Variants in MYRIP observed in about 807,000 individuals in gnomAD.
The protein encoded by MYRIP is rab effector MyRIP.
A neutral mutation model predicts 98.0 loss-of-function variants in MYRIP; 49 were observed. The ratio of observed to expected loss-of-function variants is 0.50; its 90% CI spans 0.40 to 0.63. The LOEUF (loss-of-function observed/expected upper bound fraction) is 0.63. Ranked by LOEUF, MYRIP falls within the 30% of genes least tolerant of loss-of-function variation. The pLI, the probability that MYRIP is intolerant of heterozygous loss-of-function variation, is 0.00. For missense variants in MYRIP, 1,004 were observed against 1,058.2 expected (o/e 0.95, Z 0.71); for synonymous variants, 404 against 409.5 (o/e 0.99, Z 0.16).
chr3:40,001,951 T>G (rs1946528827), intron 2 of MYRIP, among the ~76,000 whole-genome samples: 1 of 152,200 alleles, frequency 6.6e-6, no homozygotes, highest in Admixed American at 6.5e-5. Context: ...AGATTTCTGG[T>G]TTCAGAAGCC....
At chr3:39,948,302 A>C (rs1253551655) in intron 2 of MYRIP, among the ~76,000 whole-genome samples, 1 of 152,186 alleles carries the variant, frequency 6.6e-6, no homozygotes, top group Admixed American at 6.6e-5. Context: ...AGTTTTTATC[A>C]TGAGCAGTTT....
intron 2 of MYRIP, among the ~76,000 whole-genome samples, chr3:39,988,761 T>C (rs1021160600): frequency 1.3e-5 from 2 of 151,856 alleles, no homozygotes; most frequent in Non-Finnish European, 2.9e-5. Flanking sequence ...TTCAGCAAGA[T>C]GGTCTTCAAA....
At chr3:40,231,040 G>T (rs1952639753) in intron 11 of MYRIP, among the ~76,000 whole-genome samples, 1 of 152,098 alleles carries the variant, frequency 6.6e-6, no homozygotes, top group Admixed American at 6.5e-5. Context: ...GGCCAGGCTG[G>T]TCTCAAACTC....
At chr3:40,138,424 G>T (rs571214385) in intron 3 of MYRIP, among the ~76,000 whole-genome samples, 172 of 152,240 alleles carry the variant, frequency 1.1e-3, no homozygotes, top group African/African-American at 4.0e-3. Flanking sequence ...TAACTATGTT[G>T]TCATTGGTAA....
At chr3:40,178,153 A>C (rs1950808932) in intron 8 of MYRIP, among the ~76,000 whole-genome samples, 1 of 152,136 alleles carries the variant, frequency 6.6e-6, no homozygotes, top group Admixed American at 6.5e-5. Context: ...TTGAGAGCAA[A>C]GACTGTTTTA....
chr3:40,025,661 G>A (rs1029768035), intron 2 of MYRIP, among the ~76,000 whole-genome samples: 2 of 152,124 alleles, frequency 1.3e-5, no homozygotes, highest in Admixed American at 6.5e-5. Context: ...AAGAGAAAGA[G>A]TGCAAAGAGA....
Position 40,076,742 on chromosome 3 carries a change from G to A in MYRIP, c.332+32471G>A, listed in dbSNP as rs546165546. ...CTGGCAGCCACATGGCTAAAATTCT[G>A]TTTCTAGAAAAAAGGGGTAGAAGGG... On this transcript the variant is annotated intron_variant, in intron 3 of 16. Coordinates refer to ENST00000302541, the MANE Select transcript of MYRIP (RefSeq NM_015460.4). Among the ~76,000 whole-genome samples the A allele has an allele frequency of 2.0e-5, 3 of 152,150 alleles. No homozygotes were observed. The East Asian group carries it at 5.8e-4, about 29-fold the overall frequency.
intron 3 of MYRIP, among the ~76,000 whole-genome samples, chr3:40,142,848 T>C (rs1225685133): frequency 6.6e-6 from 1 of 152,236 alleles, no homozygotes; most frequent in African/African-American, 2.4e-5. Flanking sequence ...CCTATAAATC[T>C]CATCACCAGG....
intron 9 of MYRIP, among the ~76,000 whole-genome samples, chr3:40,188,769 C>T (rs1360550161): frequency 1.2e-5 from 1 of 83,264 alleles, no homozygotes. Flanking sequence ...AAGAGTGAAA[C>T]TCTGTCTCAA....
chr3:40,072,382 G>A (rs1323612025), intron 3 of MYRIP, among the ~76,000 whole-genome samples: 1 of 151,748 alleles, frequency 6.6e-6, no homozygotes, highest in African/African-American at 2.4e-5. Context: ...CTAATTTTTT[G>A]TATTTTAGTA....
intron 4 of MYRIP, among the ~76,000 whole-genome samples, chr3:40,161,022 C>T (rs76083158): frequency 0.041 from 6,168 of 152,110 alleles, 210 homozygotes; most frequent in East Asian, 0.22. Context: ...CATCTTGGCT[C>T]CTCCCTCCCC....
chr3:40,028,395 T>A (rs373784886), intron 2 of MYRIP, among the ~76,000 whole-genome samples: 1 of 152,144 alleles, frequency 6.6e-6, no homozygotes, highest in Admixed American at 6.5e-5. Flanking sequence ...AACAAATAAG[T>A]CTTGAGCATT....
intron 2 of MYRIP, among the ~76,000 whole-genome samples, chr3:40,038,426 G>T (rs1947431917): frequency 6.6e-6 from 1 of 152,006 alleles, no homozygotes; most frequent in African/African-American, 2.4e-5. Context: ...TGCAATGGAG[G>T]ACTAATAAAC....
chr3:40,212,506 T>C (rs1417786706), intron 11 of MYRIP, among the ~76,000 whole-genome samples: 1 of 152,126 alleles, frequency 6.6e-6, no homozygotes, highest in Non-Finnish European at 1.5e-5. Context: ...CAGTGGCTCA[T>C]GCCCATAATC....
intron 2 of MYRIP, among the ~76,000 whole-genome samples, chr3:40,023,230 C>T (rs1424800575): frequency 6.6e-6 from 1 of 152,178 alleles, no homozygotes; most frequent in African/African-American, 2.4e-5. Context: ...GGAATGTGGA[C>T]TTTAAAAAAA....
At chr3:40,141,317 G>A (rs939477424) in intron 3 of MYRIP, among the ~76,000 whole-genome samples, 6 of 152,038 alleles carry the variant, frequency 3.9e-5, no homozygotes, top group African/African-American at 1.4e-4. Flanking sequence ...TTTTTTTGCT[G>A]TTGCTTCAGT....
chr3:40,062,903 A>G (rs1559384928), intron 3 of MYRIP, among the ~76,000 whole-genome samples: 1 of 152,210 alleles, frequency 6.6e-6, no homozygotes, highest in Non-Finnish European at 1.5e-5. Flanking sequence ...AGCAAGTCAA[A>G]GAAAGTTACT....
intron 2 of MYRIP, among the ~76,000 whole-genome samples, chr3:39,918,064 C>G (rs1944208637): frequency 6.6e-6 from 1 of 151,932 alleles, no homozygotes; most frequent in South Asian, 2.1e-4. Context: ...GTAGCTGGGA[C>G]TACAGGCGCC....
intron 2 of MYRIP, among the ~76,000 whole-genome samples, chr3:39,909,671 CT>C (rs1176993098): frequency 6.6e-6 from 1 of 152,062 alleles, no homozygotes; most frequent in Non-Finnish European, 1.5e-5. Context: ...ACACATAGGT[CT>C]GAGCAGCAGG....
Sources: allele counts gnomAD v4.1 joint callset (sites outside exome capture counted in the v4.1 genomes callset), GRCh38; gene constraint gnomAD v4.1.1; transcripts MANE v1.5; gene names NCBI Gene and HGNC (gene_info 2026-07-23, HGNC 2026-07-21).